COL11A2: variants seen among roughly 807,000 people sequenced by gnomAD.
COL11A2 encodes the protein collagen alpha-2(XI) chain.
In COL11A2, 116 loss-of-function variants were observed where a neutral mutation model predicts 273.4. The observed-to-expected ratio is 0.42, with a 90% CI of 0.36 to 0.49. The LOEUF is 0.49. COL11A2 is among the 20% of genes least tolerant of loss of function. COL11A2 has a pLI of 0.00. For synonymous variants in COL11A2, 782 were observed against 864.2 expected, an observed-to-expected ratio of 0.90 and a Z score of 1.67; for missense variants, 1,866 against 2,309.0, an observed-to-expected ratio of 0.81 and a Z score of 3.93.
intron 4 of COL11A2, among the ~76,000 whole-genome samples, chr6:33,187,283 G>A (rs997578955): frequency 2.6e-5 from 4 of 152,198 alleles, no homozygotes; most frequent in African/African-American, 9.7e-5. Flanking sequence ...AAATGGAGTG[G>A]GGAGAACCCA....
At chr6:33,172,699 G>C in intron 38 of COL11A2, 62 bp from the exon 39 acceptor site, 1 of 1,395,746 alleles carries the variant, frequency 7.2e-7, no homozygotes, top group Non-Finnish European at 1.0e-6. Context: ...TGCCAGAAGA[G>C]CCCACCCTGG....
At chr6:33,191,515 A>C (rs947598214) in intron 1 of COL11A2, among the ~76,000 whole-genome samples, 3 of 152,094 alleles carry the variant, frequency 2.0e-5, no homozygotes, top group African/African-American at 7.3e-5. Context: ...CAGAGGGAGG[A>C]GGGGCTAGGC....
Position 33,179,012 on chromosome 6 carries a change from C to A in COL11A2, c.1612-39G>T. The A allele has an allele frequency of 2.5e-6, 4 of 1,613,902 alleles. No homozygotes were observed. Among genetic ancestry groups the A allele is most frequent in the Non-Finnish European group, 2.5e-6 (3 of 1,179,806 alleles). ...GGAAGTGTCAGAACAAGCAGGGCCG[C>A]AGTCCCCTACCCTGCAGGCCCTGTC... On this transcript the variant is annotated intron_variant, in intron 16 of 65. Transcript: ENST00000341947. The surrounding 1 kb of genome is among the most constrained non-coding windows in gnomAD (Gnocchi z 6.4).
chr6:33,169,854 TC>T lies in COL11A2; in HGVS notation c.3666del (p.Ile1223SerfsTer122). 2.5e-6 allele frequency: 4 copies of T among 1,614,070 alleles called. No individual in the cohort carries two copies. The highest frequency in any genetic ancestry group is 3.4e-6 in the Non-Finnish European group (4 of 1,179,998). On this transcript the variant is annotated frameshift_variant, in exon 50 of 66. Transcript: ENST00000341947. LOFTEE classifies it high-confidence loss of function. The surrounding 1 kb of genome is among the most constrained non-coding windows in gnomAD (Gnocchi z 5.5). ...ACCTTGACACCTGGCTCGCCCTGGA[TC>T]CCTGGAGATCCTGACTCTCCTGGTT... ...KGEPGESGSP[G>X]IQGEPGVKGP...
At position 33,167,462 on chromosome 6, in the gene COL11A2, A is replaced by G. The variant is rs1358785259; in HGVS notation, c.4086T>C (p.Pro1362=). ...GGAGCCCCCTCAGACCATCAGGGCC[A>G]GGTTTCCCTGCTGGGCCTGCAGGAC... is the stretch of plus-strand genomic sequence containing the variant. ...PVGPAGPAGK[P]GPDGLRGLPG... is the part of the protein sequence containing the mutation. Residue 1362 remains proline (P), a synonymous_variant, in exon 56 of 66, where the codon CCT becomes CCC. Coordinates refer to ENST00000341947, the MANE Select transcript of COL11A2 (RefSeq NM_080680.3). This position sits in a 1 kb window ranked among gnomAD's most constrained non-coding sequence, Gnocchi z 6.1. 14 of 1,609,050 alleles carry G rather than the reference A, an allele frequency of 8.7e-6. No homozygotes were observed. Among genetic ancestry groups the G allele is most frequent in the Non-Finnish European group, 1.2e-5 (14 of 1,178,650 alleles).
intron 4 of COL11A2, among the ~76,000 whole-genome samples, chr6:33,187,149 G>T (rs1226483214): frequency 6.6e-6 from 1 of 152,116 alleles, no homozygotes; most frequent in Non-Finnish European, 1.5e-5. Context: ...AGAATTCTTT[G>T]CCTCCCCTCT....
At chr6:33,182,893 A>T (rs1453654754) in intron 8 of COL11A2, among the ~76,000 whole-genome samples, 2 of 150,938 alleles carry the variant, frequency 1.3e-5, no homozygotes, top group African/African-American at 2.4e-5. Context: ...CACCACCCCA[A>T]CTCCCCCCAA....
In COL11A2 at chr6:33,163,525, C is replaced by T; in HGVS notation, c.*153G>A. ...GGGGTGTCCAGGCAACCACTTCACC[C>T]CTCCCCTGGCCTGCCCCGACTGAGG... is the stretch of plus-strand genomic sequence containing the variant. On this transcript the variant is annotated 3_prime_UTR_variant, in exon 66 of 66. Transcript: ENST00000341947. The surrounding 1 kb of genome is among the most constrained non-coding windows in gnomAD (Gnocchi z 4.1). 1.7e-6 allele frequency: 2 copies of T among 1,207,244 alleles called. No individual in the cohort carries two copies. The highest frequency in any genetic ancestry group is 1.2e-6 in the Non-Finnish European group (1 of 840,072). The allele number at this position is 1,207,244 out of a possible 1,614,324, so 74.8% of individuals were successfully genotyped here. A position where few individuals can be genotyped will look rare whatever the true frequency, so the allele number is the denominator to read the frequency against.
rs1772849539 is a variant in COL11A2 at position 33,189,474 on chromosome 6, G to A, written c.83-5C>T. On this transcript the variant is annotated splice_polypyrimidine_tract_variant and splice_region_variant and intron_variant, in intron 1 of 65. Transcript: ENST00000341947. This position sits in a 1 kb window ranked among gnomAD's most constrained non-coding sequence, Gnocchi z 5.6. ...GCACATCCACAGGGGGTGCACCTGG[G>A]AGAGTCCATGATTATCAGGAGAAGG... 4 of 1,613,052 alleles carry A rather than the reference G, an allele frequency of 2.5e-6. No homozygotes were observed. Among genetic ancestry groups the A allele is most frequent in the Non-Finnish European group, 3.4e-6 (4 of 1,180,002 alleles).
Position 33,189,034 on chromosome 6 carries a change from C to T in COL11A2, c.387G>A (p.Gly129=). 1 of 1,614,206 alleles carries T rather than the reference C, an allele frequency of 6.2e-7. No homozygotes were observed. The highest frequency in any genetic ancestry group is 8.5e-7 in the Non-Finnish European group (1 of 1,180,040). The part of the protein sequence containing the change: ...PVRFLYEDQT[G]RPQPPSQPVF... Reference sequence around the variant, plus strand: ...CTGGCTGAGAGGGAGGTTGAGGCCGCCCAGTCTGGTCTTCATACAGGAAGC... The same window carrying T: ...CTGGCTGAGAGGGAGGTTGAGGCCGTCCAGTCTGGTCTTCATACAGGAAGC... The change falls in exon 3 of 66, where the codon GGG becomes GGA. Residue 129 remains glycine, a synonymous_variant. Transcript: ENST00000341947. This position sits in a 1 kb window ranked among gnomAD's most constrained non-coding sequence, Gnocchi z 5.6.
At position 33,165,616 on chromosome 6, in the gene COL11A2, T is replaced by C. The variant is rs34055850; in HGVS notation, c.4683A>G (p.Thr1561=). Residue 1561 remains threonine (T), a synonymous_variant, in exon 63 of 66, where the codon ACA becomes ACG. Transcript: ENST00000341947. This position sits in a 1 kb window ranked among gnomAD's most constrained non-coding sequence, Gnocchi z 7.7. ...REEIEQMRRP[T]GTQDSPARTC... is the part of the protein sequence containing the mutation. ...TGCGAGCAGGGCTGTCCTGGGTCCC[T>C]GTTGGCCGCCTCATCTGCTCGATCT... 1.0e-3 allele frequency: 1,650 copies of C among 1,613,344 alleles called. 6 individuals carry two copies. The highest frequency in any genetic ancestry group is 1.2e-3 in the Non-Finnish European group (1,386 of 1,179,994).
At position 33,172,387 on chromosome 6, in the gene COL11A2, A is replaced by T; in HGVS notation, c.2899-9T>A. The T allele has an allele frequency of 6.3e-7, 1 of 1,579,754 alleles. No individual in the cohort carries two copies. Among genetic ancestry groups the T allele is most frequent in the Non-Finnish European group, 8.6e-7 (1 of 1,163,826 alleles). On this transcript the variant is annotated splice_polypyrimidine_tract_variant and intron_variant, in intron 39 of 65. Coordinates refer to ENST00000341947, the MANE Select transcript of COL11A2 (RefSeq NM_080680.3). ...GGGGGACCAGGGTCACCCTAAAAGGAAAGGAGAGGTGATGAGCCACAGCCA... is the reference window on the plus strand; with the variant it reads ...GGGGGACCAGGGTCACCCTAAAAGGTAAGGAGAGGTGATGAGCCACAGCCA...
intron 6 of COL11A2, 47 bp downstream of exon 6, chr6:33,185,654 G>C: frequency 1.1e-6 from 1 of 899,400 alleles, no homozygotes; most frequent in Non-Finnish European, 1.7e-6. Context: ...ATGATTGCTG[G>C]GGGTGCTGGG....
In COL11A2 at chr6:33,170,338, G is replaced by T; in HGVS notation, c.3570C>A (p.Pro1190=). 1 of 1,613,756 alleles carries T rather than the reference G, an allele frequency of 6.2e-7. No individual in the cohort carries two copies. The highest frequency in any genetic ancestry group is 8.5e-7 in the Non-Finnish European group (1 of 1,179,908). The change falls in exon 48 of 66, where the codon CCC becomes CCA. Residue 1190 remains proline, a synonymous_variant. Coordinates refer to ENST00000341947, the MANE Select transcript of COL11A2 (RefSeq NM_080680.3). This position sits in a 1 kb window ranked among gnomAD's most constrained non-coding sequence, Gnocchi z 4.3. ...GPPGPRGPAG[P]NGADGPQGPP... ...TGAGATGACTCACATCAGCGCCATT[G>T]GGTCCAGCTGGACCTCGAGGTCCTG... is the stretch of plus-strand genomic sequence containing the variant.
At position 33,169,494 on chromosome 6, in the gene COL11A2, C is replaced by A; in HGVS notation, c.3691-4G>T. The A allele has an allele frequency of 1.2e-6, 2 of 1,612,402 alleles. No individual in the cohort carries two copies. Among genetic ancestry groups the A allele is most frequent in the Non-Finnish European group, 1.7e-6 (2 of 1,179,686 alleles). ...CTCCACGTTCCCCGCGTGGACCCTG[C>A]AGAACAAGCGGAGGACACAGATGGC... On this transcript the variant is annotated splice_polypyrimidine_tract_variant and splice_region_variant and intron_variant, in intron 50 of 65. Transcript: ENST00000341947. This position sits in a 1 kb window ranked among gnomAD's most constrained non-coding sequence, Gnocchi z 5.5.
Position 33,189,330 on chromosome 6 carries a change from C to T in COL11A2, c.222G>A (p.Gln74=), listed in dbSNP as rs1772815896. 1 of 1,613,776 alleles carries T rather than the reference C, an allele frequency of 6.2e-7. No homozygotes were observed. Among genetic ancestry groups the T allele is most frequent in the Non-Finnish European group, 8.5e-7 (1 of 1,180,038 alleles). ...CCATGTCACCCATACCTGGGAAAAG[C>T]TGGCGAGTGGGTGCACTGAGCTGGG... ...RPAQLSAPTR[Q]LFPGGFPKDF... The change falls in exon 2 of 66, where the codon CAG becomes CAA. Residue 74 remains glutamine, a synonymous_variant. Transcript: ENST00000341947. This position sits in a 1 kb window ranked among gnomAD's most constrained non-coding sequence, Gnocchi z 5.6.
At chr6:33,183,033 C>G (rs1771923952) in intron 8 of COL11A2, among the ~76,000 whole-genome samples, 1 of 152,092 alleles carries the variant, frequency 6.6e-6, no homozygotes, top group Admixed American at 6.6e-5. Context: ...GCAGTAGAAG[C>G]TCAAGGGAGG....
Position 33,171,106 on chromosome 6 carries a change from T to C in COL11A2, c.3366+8A>G. On this transcript the variant is annotated splice_region_variant and intron_variant, in intron 45 of 65. Coordinates refer to ENST00000341947, the MANE Select transcript of COL11A2 (RefSeq NM_080680.3). Reference sequence around the variant, plus strand: ...TGGGCCTTCGGTGGGGGTGGAGGGGTCACTCACCGCTGCTCCAGGCTGCCC... The same window carrying C: ...TGGGCCTTCGGTGGGGGTGGAGGGGCCACTCACCGCTGCTCCAGGCTGCCC... 6.4e-7 allele frequency: 1 copy of C among 1,574,594 alleles called. No individual in the cohort carries two copies. Among genetic ancestry groups the C allele is most frequent in the Non-Finnish European group, 8.6e-7 (1 of 1,159,474 alleles).
At position 33,169,596 on chromosome 6, in the gene COL11A2, C is replaced by T. The variant is rs1397090426; in HGVS notation, c.3691-106G>A. The stretch of plus-strand genomic sequence containing the variant: ...AGCCATCCCCTACTCCCCTCAGTGA[C>T]AATGGGACATACACAGAAAGTCAAG... On this transcript the variant is annotated intron_variant, in intron 50 of 65. Transcript: ENST00000341947. The surrounding 1 kb of genome is among the most constrained non-coding windows in gnomAD (Gnocchi z 5.5). 8 of 1,180,574 alleles carry T rather than the reference C, an allele frequency of 6.8e-6. No homozygotes were observed. Among genetic ancestry groups the T allele is most frequent in the South Asian group, 1.3e-5 (1 of 79,472 alleles). 73.1% of individuals were successfully genotyped at this position (1,180,574 alleles called of 1,614,324 possible).
Sources: gnomAD v4.1 joint callset for allele counts (sites outside exome capture counted in the v4.1 genomes callset) on GRCh38, gnomAD v4.1.1 for gene constraint, Gnocchi (gnomAD v3.1) non-coding constraint, MANE v1.5 for transcripts, NCBI Gene and HGNC (gene_info 2026-07-23, HGNC 2026-07-21) for gene names.